Variants in ZNF618 observed in about 807,000 individuals in gnomAD.
ZNF618 encodes neural precursor cell expressed, developmentally down-regulated 10.
ZNF618 carries 34 observed loss-of-function variants against 103.0 expected under a neutral mutation model. That is an observed-to-expected ratio of 0.33 (90% CI 0.25 to 0.44). ZNF618 has a LOEUF of 0.44. Among genes scored for constraint, ZNF618 ranks in the 20% least tolerant of loss-of-function variants. ZNF618 has a pLI of 1.00. For missense variants in ZNF618, 1,059 were observed against 1,295.4 expected (o/e 0.82, Z 2.80); for synonymous variants, 551 against 542.2 (o/e 1.02, Z -0.23).
chr9:114,030,205 G>A (rs866898853), intron 11 of ZNF618, among the ~76,000 whole-genome samples: 3 of 152,180 alleles, frequency 2.0e-5, no homozygotes, highest in Non-Finnish European at 2.9e-5. Context: ...GTGATTCTTC[G>A]AAGATATGTT....
At chr9:113,907,253 A>C (rs1208850352) in intron 1 of ZNF618, among the ~76,000 whole-genome samples, 3 of 152,208 alleles carry the variant, frequency 2.0e-5, no homozygotes, top group Non-Finnish European at 4.4e-5. Flanking sequence ...TGAAGGGATG[A>C]GATAGTTCTG....
intron 1 of ZNF618, among the ~76,000 whole-genome samples, chr9:113,962,317 A>C (rs916694641): frequency 4.6e-5 from 7 of 152,116 alleles, no homozygotes; most frequent in Non-Finnish European, 1.0e-4. Context: ...CACCCTCTTC[A>C]GTCCCTGCCA....
At chr9:113,986,563 C>T (rs755717561) in intron 2 of ZNF618, among the ~76,000 whole-genome samples, 7 of 152,166 alleles carry the variant, frequency 4.6e-5, no homozygotes, top group African/African-American at 1.2e-4. Flanking sequence ...TGTGTCCTCA[C>T]GTGGGGGAGA....
At chr9:114,035,330 G>A in intron 12 of ZNF618, 1 of 869,488 alleles carries the variant, frequency 1.2e-6, no homozygotes, top group South Asian at 5.3e-5. Flanking sequence ...CAGGCTGTGT[G>A]AGATGGGCCT....
intron 1 of ZNF618, among the ~76,000 whole-genome samples, chr9:113,881,560 T>G (rs1828519046): frequency 6.6e-6 from 1 of 152,216 alleles, no homozygotes; most frequent in Non-Finnish European, 1.5e-5. Context: ...TGAAATCTAA[T>G]GTATTTTACT....
intron 1 of ZNF618, among the ~76,000 whole-genome samples, chr9:113,907,891 C>T (rs1282037120): frequency 6.6e-6 from 1 of 152,192 alleles, no homozygotes; most frequent in African/African-American, 2.4e-5. Flanking sequence ...ATGAGAGCTG[C>T]CCCCTTCAGA....
chr9:114,023,749 AT>A (rs1158862294), intron 10 of ZNF618, among the ~76,000 whole-genome samples: 5 of 152,054 alleles, frequency 3.3e-5, no homozygotes, highest in African/African-American at 1.2e-4. Context: ...AGGCTGATAA[AT>A]TTTTTTATGT....
intron 1 of ZNF618, among the ~76,000 whole-genome samples, chr9:113,968,797 G>T (rs1255722100): frequency 6.6e-6 from 1 of 152,190 alleles, no homozygotes; most frequent in Non-Finnish European, 1.5e-5. Flanking sequence ...AAATAAAAAT[G>T]GTGCAATTCA....
intron 1 of ZNF618, among the ~76,000 whole-genome samples, chr9:113,882,740 T>C (rs1403487839): frequency 1.3e-5 from 2 of 152,204 alleles, no homozygotes; most frequent in Non-Finnish European, 2.9e-5. Context: ...GGGATACATC[T>C]CAATCGCGGG....
chr9:113,946,304 G>C lies in ZNF618; in HGVS notation c.34-22813G>C, dbSNP rs550297651. Among the ~76,000 whole-genome samples the C allele has an allele frequency of 2.6e-5, 4 of 152,158 alleles. No individual in the cohort carries two copies. The South Asian group carries it at 8.3e-4, about 32-fold the overall frequency. ...AGAGGGAAACTGAGTTTAAAGAGGGGCGGTGGCTTGCCTAGCCCAAGGTCA... is the reference window on the plus strand; with the variant it reads ...AGAGGGAAACTGAGTTTAAAGAGGGCCGGTGGCTTGCCTAGCCCAAGGTCA... On this transcript the variant is annotated intron_variant, in intron 1 of 14. Transcript: ENST00000374126.
At chr9:113,969,009 C>A in intron 1 of ZNF618, 108 bp from the exon 2 acceptor site, 1 of 1,304,126 alleles carries the variant, frequency 7.7e-7, no homozygotes, top group Non-Finnish European at 1.1e-6. Context: ...GGCCAGCTCA[C>A]CCCACAGTGT....
intron 1 of ZNF618, among the ~76,000 whole-genome samples, chr9:113,889,735 C>G (rs1421896253): frequency 6.6e-6 from 1 of 152,214 alleles, no homozygotes; most frequent in Non-Finnish European, 1.5e-5. Flanking sequence ...ATGCATCTCT[C>G]TCTCTACCCA....
chr9:114,033,781 C>T (rs1844323120), intron 12 of ZNF618, among the ~76,000 whole-genome samples: 1 of 152,310 alleles, frequency 6.6e-6, no homozygotes, highest in South Asian at 2.1e-4. Context: ...CACTCACTTT[C>T]TTGCATGGTT....
intron 2 of ZNF618, among the ~76,000 whole-genome samples, chr9:113,985,051 A>G (rs371092809): frequency 6.6e-6 from 1 of 152,236 alleles, no homozygotes; most frequent in African/African-American, 2.4e-5. Context: ...AGACAAAGGT[A>G]GATAACAATG....
At chr9:114,042,600 A>T (rs192188201) in intron 13 of ZNF618, among the ~76,000 whole-genome samples, 1 of 152,328 alleles carries the variant, frequency 6.6e-6, no homozygotes, top group East Asian at 1.9e-4. Flanking sequence ...AAGCTGAGGC[A>T]GGAGGATTGT....
chr9:113,995,917 G>T (rs976377712), intron 3 of ZNF618, among the ~76,000 whole-genome samples: 1 of 152,164 alleles, frequency 6.6e-6, no homozygotes, highest in Non-Finnish European at 1.5e-5. Context: ...GTGGCACAAG[G>T]GTGAAGGTGA....
intron 1 of ZNF618, among the ~76,000 whole-genome samples, chr9:113,895,654 G>A (rs1159044891): frequency 6.6e-6 from 1 of 152,126 alleles, no homozygotes. Context: ...AGATTGCTGT[G>A]TTGAGAAGGA....
At chr9:113,982,225 G>A (rs1246097712) in intron 2 of ZNF618, among the ~76,000 whole-genome samples, 2 of 152,196 alleles carry the variant, frequency 1.3e-5, no homozygotes, top group African/African-American at 4.8e-5. Context: ...TTTTGCTCCT[G>A]TTGCTTCACT....
intron 1 of ZNF618, among the ~76,000 whole-genome samples, chr9:113,947,522 G>C (rs997309751): frequency 4.6e-5 from 7 of 152,192 alleles, no homozygotes; most frequent in African/African-American, 1.4e-4. Context: ...CACAGGGCCT[G>C]ACACACAGAC....
Sources: allele counts gnomAD v4.1 joint callset (sites outside exome capture counted in the v4.1 genomes callset), GRCh38; gene constraint gnomAD v4.1.1; transcripts MANE v1.5; gene names NCBI Gene and HGNC (gene_info 2026-07-23, HGNC 2026-07-21).